KIAA0825: variants seen among roughly 807,000 people sequenced by gnomAD.
KIAA0825 encodes uncharacterized protein KIAA0825.
Under a neutral mutation model 147.6 loss-of-function variants are expected in KIAA0825, and 119 were observed. That is an observed-to-expected ratio of 0.81 (90% CI 0.69 to 0.94). The LOEUF (loss-of-function observed/expected upper bound fraction) is 0.94, where lower values mean the gene tolerates loss of function less well. Among genes scored for constraint, KIAA0825 ranks in the 40% least tolerant of loss-of-function variants. The probability of loss-of-function intolerance (pLI) is 0.00; values close to 1 mark genes in which losing one functional copy is unlikely to be tolerated. For missense variants in KIAA0825, 1,381 were observed against 1,472.7 expected, an observed-to-expected ratio of 0.94 and a Z score of 1.02; for synonymous variants, 470 against 518.1, an observed-to-expected ratio of 0.91 and a Z score of 1.26.
chr5:94,368,848 G>A (rs967147966), intron 20 of KIAA0825, among the ~76,000 whole-genome samples: 10 of 152,178 alleles, frequency 6.6e-5, no homozygotes, highest in African/African-American at 2.4e-4. Flanking sequence ...TTGGACTTCT[G>A]TGTGAGATGA....
intron 20 of KIAA0825, among the ~76,000 whole-genome samples, chr5:94,272,100 T>A: frequency 1.8e-5 from 2 of 108,898 alleles, no homozygotes; most frequent in Admixed American, 1.1e-4. Context: ...CACTTATTTG[T>A]AGGAGCAAAA....
chr5:94,391,844 G>A (rs886921096), intron 17 of KIAA0825, 150 bp from the exon 18 acceptor site: 3 of 633,120 alleles, frequency 4.7e-6, no homozygotes, highest in Non-Finnish European at 7.7e-6. Flanking sequence ...TTCCCAAACC[G>A]CTGCCACTCA....
chr5:94,446,839 C>T (rs1302089951), intron 13 of KIAA0825, among the ~76,000 whole-genome samples: 1 of 152,026 alleles, frequency 6.6e-6, no homozygotes, highest in Non-Finnish European at 1.5e-5. Flanking sequence ...AAATGGAAGT[C>T]AACATGTACA....
At chr5:94,329,692 A>C (rs1405032385) in intron 20 of KIAA0825, among the ~76,000 whole-genome samples, 1 of 152,130 alleles carries the variant, frequency 6.6e-6, no homozygotes, top group African/African-American at 2.4e-5. Context: ...AAGGGAAATC[A>C]AGACGTGAAT....
At chr5:94,373,101 G>T (rs987192137) in intron 20 of KIAA0825, among the ~76,000 whole-genome samples, 6 of 152,170 alleles carry the variant, frequency 3.9e-5, no homozygotes, top group Non-Finnish European at 8.8e-5. Flanking sequence ...TTTGGTTAAA[G>T]CCATTCAACA....
At chr5:94,541,579 A>G (rs937742944) in intron 2 of KIAA0825, among the ~76,000 whole-genome samples, 1 of 152,254 alleles carries the variant, frequency 6.6e-6, no homozygotes, top group Non-Finnish European at 1.5e-5. Flanking sequence ...CTAAAGTTAC[A>G]GGGGTATTAT....
intron 20 of KIAA0825, among the ~76,000 whole-genome samples, chr5:94,301,731 T>C (rs1486618071): frequency 6.6e-6 from 1 of 152,084 alleles, no homozygotes; most frequent in Non-Finnish European, 1.5e-5. Context: ...TAGCCTAATA[T>C]ATGCAAAAAT....
rs1428842709 is a variant in KIAA0825, at chr5:94,608,296, C to G, written c.-153+10204G>C. On this transcript the variant is annotated intron_variant, in intron 1 of 20. Transcript: ENST00000682413. ...TTATTTATTGAGATAGAGTCTCACT[C>G]TGTTGCCTAGGAGGGAGTGCAGTGC... Among the ~76,000 whole-genome samples the G allele has an allele frequency of 3.6e-5, 5 of 137,702 alleles. No individual in the cohort carries two copies. The East Asian group carries it at 1.1e-3, about 30-fold the overall frequency. 90.3% of individuals were successfully genotyped at this position (137,702 alleles called of 152,430 possible). A position where few individuals can be genotyped will look rare whatever the true frequency, so the allele number is the denominator to read the frequency against.
chr5:94,579,339 C>T (rs1013113429), intron 2 of KIAA0825, among the ~76,000 whole-genome samples: 2 of 152,176 alleles, frequency 1.3e-5, no homozygotes, highest in African/African-American at 4.8e-5. Context: ...ACCAAGATTA[C>T]ATGGGATAAT....
intron 12 of KIAA0825, 93 bp downstream of exon 12, chr5:94,462,294 G>T: frequency 1.4e-6 from 1 of 712,714 alleles, no homozygotes; most frequent in Non-Finnish European, 2.1e-6. Context: ...ATTTCTACTT[G>T]TAACTTCACA....
At chr5:94,552,037 T>G (rs1584867062) in intron 2 of KIAA0825, among the ~76,000 whole-genome samples, 2 of 151,868 alleles carry the variant, frequency 1.3e-5, no homozygotes, top group African/African-American at 4.8e-5. Flanking sequence ...ACTACCCTCA[T>G]CTGTAAAGAC....
intron 5 of KIAA0825, among the ~76,000 whole-genome samples, chr5:94,486,033 T>A (rs1417562986): frequency 6.6e-6 from 1 of 151,862 alleles, no homozygotes; most frequent in Non-Finnish European, 1.5e-5. Context: ...TCTTTAAGAG[T>A]ATGGAGAATA....
intron 20 of KIAA0825, among the ~76,000 whole-genome samples, chr5:94,184,078 G>A (rs1365696241): frequency 1.3e-5 from 2 of 152,132 alleles, no homozygotes; most frequent in African/African-American, 4.8e-5. Flanking sequence ...CGGGTAGTTG[G>A]TATCAGAGTT....
chr5:94,238,067 T>G (rs1015377436), intron 20 of KIAA0825, among the ~76,000 whole-genome samples: 1 of 152,174 alleles, frequency 6.6e-6, no homozygotes, highest in African/African-American at 2.4e-5. Flanking sequence ...AACTGTAAAT[T>G]AATTTTGCAC....
At chr5:94,364,538 C>T (rs999103974) in intron 20 of KIAA0825, among the ~76,000 whole-genome samples, 36 of 152,082 alleles carry the variant, frequency 2.4e-4, no homozygotes, top group African/African-American at 8.4e-4. Flanking sequence ...CCTGACACCA[C>T]GCCCGGCTAA....
chr5:94,466,331 C>A (rs1171927311), intron 10 of KIAA0825, among the ~76,000 whole-genome samples: 1 of 152,050 alleles, frequency 6.6e-6, no homozygotes, highest in African/African-American at 2.4e-5. Context: ...AATTTGTATT[C>A]CTTGGGTAAG....
intron 3 of KIAA0825, among the ~76,000 whole-genome samples, chr5:94,529,979 T>C (rs1369071170): frequency 6.6e-6 from 1 of 152,020 alleles, no homozygotes; most frequent in Non-Finnish European, 1.5e-5. Flanking sequence ...TTTTAAAAAA[T>C]GGACTTACTA....
chr5:94,593,236 G>C, intron 1 of KIAA0825: 2 of 762,816 alleles, frequency 2.6e-6, no homozygotes, highest in Non-Finnish European at 4.9e-6. Flanking sequence ...ACTGCTGTCA[G>C]AATTTTCCTC....
intron 20 of KIAA0825, among the ~76,000 whole-genome samples, chr5:94,368,692 C>T (rs1486211389): frequency 2.6e-5 from 4 of 152,158 alleles, no homozygotes; most frequent in Admixed American, 6.5e-5. Context: ...CATGTATTCT[C>T]TAACAGAATT....
Sources: gnomAD v4.1 joint callset for allele counts (sites outside exome capture counted in the v4.1 genomes callset) on GRCh38, gnomAD v4.1.1 for gene constraint, MANE v1.5 for transcripts, NCBI Gene and HGNC (gene_info 2026-07-23, HGNC 2026-07-21) for gene names.